The following PLD1 variants were observed in gnomAD, a reference collection of about 807,000 sequenced individuals.
The protein encoded by PLD1 is phospholipase D1.
Under a neutral mutation model 137.1 loss-of-function variants are expected in PLD1, and 112 were observed. The ratio of observed to expected loss-of-function variants is 0.82; its 90% CI spans 0.70 to 0.96. The LOEUF (loss-of-function observed/expected upper bound fraction) is 0.96. Ranked by LOEUF, PLD1 falls within the 40% of genes least tolerant of loss-of-function variation. The probability of loss-of-function intolerance (pLI) is 0.00; values close to 1 mark genes in which losing one functional copy is unlikely to be tolerated. For missense variants in PLD1, 1,321 were observed against 1,342.0 expected (o/e 0.98, Z 0.24); for synonymous variants, 431 against 454.7 (o/e 0.95, Z 0.66).
intron 16 of PLD1, among the ~76,000 whole-genome samples, chr3:171,682,366 T>G (rs1391640595): frequency 6.6e-6 from 1 of 152,190 alleles, no homozygotes; most frequent in Admixed American, 6.5e-5. Context: ...CCCATAGTGA[T>G]GTTCACTCCA....
intron 19 of PLD1, among the ~76,000 whole-genome samples, chr3:171,669,874 G>A (rs55986523): frequency 0.037 from 5,660 of 152,318 alleles, 363 homozygotes; most frequent in African/African-American, 0.13. Context: ...GCAGAGTGAA[G>A]TAATTTTCCC....
intron 1 of PLD1, among the ~76,000 whole-genome samples, chr3:171,746,949 A>C (rs954178726): frequency 6.6e-6 from 1 of 152,178 alleles, no homozygotes; most frequent in Non-Finnish European, 1.5e-5. Flanking sequence ...TTGGGTCTGC[A>C]CTGCTTTTAT....
chr3:171,709,841 A>T, intron 9 of PLD1, 132 bp from the exon 10 acceptor site: 1 of 700,064 alleles, frequency 1.4e-6, no homozygotes, highest in Non-Finnish European at 2.4e-6. Flanking sequence ...GGCATTTAAC[A>T]TTTTTTGGTA....
chr3:171,759,699 CA>C (rs1339383136), intron 1 of PLD1, among the ~76,000 whole-genome samples: 1 of 152,230 alleles, frequency 6.6e-6, no homozygotes, highest in African/African-American at 2.4e-5. Context: ...TGTTTATACA[CA>C]TACCGTTTTG....
intron 6 of PLD1, among the ~76,000 whole-genome samples, chr3:171,726,323 G>A (rs923657593): frequency 7.9e-5 from 12 of 151,986 alleles, no homozygotes; most frequent in East Asian, 1.9e-4. Context: ...GAGATAAAAT[G>A]CTCAAGAAGC....
intron 1 of PLD1, among the ~76,000 whole-genome samples, chr3:171,754,687 A>G (rs1720890972): frequency 6.6e-6 from 1 of 152,230 alleles, no homozygotes; most frequent in Admixed American, 6.5e-5. Flanking sequence ...AAAAGGAAAT[A>G]ATACAACCAG....
intron 21 of PLD1, among the ~76,000 whole-genome samples, chr3:171,648,915 A>G: frequency 6.6e-6 from 1 of 152,324 alleles, no homozygotes; most frequent in Non-Finnish European, 1.5e-5. Flanking sequence ...ATACTTTAAT[A>G]TTTAAACCAG....
intron 1 of PLD1, among the ~76,000 whole-genome samples, chr3:171,784,992 A>G (rs757122531): frequency 6.6e-6 from 1 of 152,232 alleles, no homozygotes; most frequent in Non-Finnish European, 1.5e-5. Context: ...AAAGTTAAAT[A>G]CAGTGTTAGG....
chr3:171,680,875 T>C (rs1463619629), intron 16 of PLD1, among the ~76,000 whole-genome samples: 2 of 152,234 alleles, frequency 1.3e-5, no homozygotes, highest in Admixed American at 1.3e-4. Context: ...TTCTCCCATT[T>C]ACTTCGTTCT....
intron 1 of PLD1, among the ~76,000 whole-genome samples, chr3:171,764,869 A>G (rs1320029291): frequency 3.6e-5 from 1 of 27,806 alleles, no homozygotes; most frequent in African/African-American, 1.5e-4. Flanking sequence ...GAAAGAAAGA[A>G]AGAAAGAAAG....
At position 171,688,838 on chromosome 3, in the gene PLD1, A is replaced by G. The variant is rs771139229; in HGVS notation, c.1377T>C (p.Tyr459=). Residue 459 remains tyrosine, a synonymous_variant, in exon 14 of 27, where the codon TAT becomes TAC. Coordinates refer to ENST00000351298, the MANE Select transcript of PLD1 (RefSeq NM_002662.5). ...CAAGCTTCTCATGGTGAGCCCACAA[A>G]TAGACGGTGGATGACACATGATCCG... ...RHPDHVSSTV[Y]LWAHHEKLVI... is the part of the protein sequence containing the mutation. The G allele has an allele frequency of 3.1e-6, 5 of 1,613,970 alleles. No homozygotes were observed. The African/African-American group carries it at 6.7e-5, about 22-fold the overall frequency.
chr3:171,709,772 T>C (rs983978937), intron 9 of PLD1, 63 bp from the exon 10 acceptor site: 9 of 1,399,658 alleles, frequency 6.4e-6, no homozygotes, highest in Non-Finnish European at 8.8e-6. Flanking sequence ...TGCTCTTTTT[T>C]ATTTGGTAAT....
rs6803271 is a variant in PLD1, at chr3:171,745,092, T to C, written c.-31-7010A>G. On this transcript the variant is annotated intron_variant, in intron 1 of 26. Transcript: ENST00000351298. ...GCATGAGCTTTCTAATTTCCTTTAA[T>C]ATATCCTAGAGTTAAATATTTCCCT... is the stretch of plus-strand genomic sequence containing the variant. Among the ~76,000 whole-genome samples, 1,044 of 152,366 alleles carry C rather than the reference T, an allele frequency of 6.9e-3. 11 individuals are homozygous for C. The highest frequency in any genetic ancestry group is 0.02 in the African/African-American group (819 of 41,582).
chr3:171,633,685 A>T (rs1028381448), intron 23 of PLD1, among the ~76,000 whole-genome samples: 6 of 152,208 alleles, frequency 3.9e-5, no homozygotes, highest in Non-Finnish European at 8.8e-5. Flanking sequence ...TTATAAGGAA[A>T]TTTCGTGAAA....
At chr3:171,673,636 C>G (rs1465292196) in intron 19 of PLD1, among the ~76,000 whole-genome samples, 1 of 152,112 alleles carries the variant, frequency 6.6e-6, no homozygotes, top group African/African-American at 2.4e-5. Flanking sequence ...TATACACATA[C>G]CTCCAATTGC....
chr3:171,621,612 G>A (rs1578122319), intron 23 of PLD1, among the ~76,000 whole-genome samples: 1 of 152,158 alleles, frequency 6.6e-6, no homozygotes, highest in Non-Finnish European at 1.5e-5. Context: ...CCTCCATTTA[G>A]AGATAGCTCT....
At chr3:171,626,787 C>T (rs561185556) in intron 23 of PLD1, among the ~76,000 whole-genome samples, 1 of 152,164 alleles carries the variant, frequency 6.6e-6, no homozygotes, top group South Asian at 2.1e-4. Flanking sequence ...AAATACTTTA[C>T]AGACAAGCAA....
At chr3:171,746,151 T>C (rs1578401508) in intron 1 of PLD1, among the ~76,000 whole-genome samples, 3 of 152,188 alleles carry the variant, frequency 2.0e-5, no homozygotes, top group Admixed American at 2.0e-4. Context: ...CAGCCTGCCA[T>C]GCCCGAGCCC....
intron 1 of PLD1, among the ~76,000 whole-genome samples, chr3:171,760,800 G>C (rs1721340710): frequency 6.6e-6 from 1 of 152,172 alleles, no homozygotes; most frequent in African/African-American, 2.4e-5. Context: ...TTTTCCACAA[G>C]GGACCCAAGT....
Sources: allele counts gnomAD v4.1 joint callset (sites outside exome capture counted in the v4.1 genomes callset), GRCh38; gene constraint gnomAD v4.1.1; transcripts MANE v1.5; gene names NCBI Gene and HGNC (gene_info 2026-07-23, HGNC 2026-07-21).